The following CNTNAP2 variants were observed in gnomAD, a reference collection of about 807,000 sequenced individuals.
The protein encoded by CNTNAP2 is contactin-associated protein-like 2.
A neutral mutation model predicts 155.2 loss-of-function variants in CNTNAP2; 98 were observed. That is an observed-to-expected ratio of 0.63 (90% CI 0.54 to 0.75). The LOEUF is 0.75. Among genes scored for constraint, CNTNAP2 ranks in the 30% least tolerant of loss-of-function variants. The pLI is 0.00. For missense variants in CNTNAP2, 1,727 were observed against 1,688.1 expected (o/e 1.02, Z -0.40); for synonymous variants, 651 against 631.2 (o/e 1.03, Z -0.47).
chr7:146,402,672 A>G (rs1795730666), intron 1 of CNTNAP2, among the ~76,000 whole-genome samples: 1 of 151,448 alleles, frequency 6.6e-6, no homozygotes, highest in Non-Finnish European at 1.5e-5. Context: ...AGTTCCTTAG[A>G]TATAACTAGG....
intron 1 of CNTNAP2, among the ~76,000 whole-genome samples, chr7:146,227,163 C>T (rs1332160926): frequency 2.0e-5 from 3 of 152,062 alleles, no homozygotes; most frequent in South Asian, 2.1e-4. Flanking sequence ...TGGTGGCTCA[C>T]GCCTGTATTC....
chr7:146,979,081 C>T (rs892388968), intron 3 of CNTNAP2, among the ~76,000 whole-genome samples: 2 of 152,054 alleles, frequency 1.3e-5, no homozygotes, highest in African/African-American at 4.8e-5. Context: ...CAAAGTGAGT[C>T]CAAACACCTG....
At chr7:147,032,644 G>T (rs1238967906) in intron 3 of CNTNAP2, among the ~76,000 whole-genome samples, 1 of 149,646 alleles carries the variant, frequency 6.7e-6, no homozygotes, top group East Asian at 2.0e-4. Context: ...CTGGAAAGAA[G>T]GAAACAAGAA....
chr7:147,529,209 G>A (rs1799385949), intron 11 of CNTNAP2, among the ~76,000 whole-genome samples: 1 of 152,174 alleles, frequency 6.6e-6, no homozygotes, highest in African/African-American at 2.4e-5. Flanking sequence ...ATGGGTCTCA[G>A]TGAGAAAGTC....
intron 1 of CNTNAP2, among the ~76,000 whole-genome samples, chr7:146,386,050 C>T (rs1795455404): frequency 1.3e-5 from 2 of 152,174 alleles, no homozygotes; most frequent in Non-Finnish European, 2.9e-5. Context: ...CTGGCCTTAT[C>T]CCCAACAGGA....
At chr7:146,378,506 T>C (rs914017750) in intron 1 of CNTNAP2, among the ~76,000 whole-genome samples, 1 of 152,176 alleles carries the variant, frequency 6.6e-6, no homozygotes, top group African/African-American at 2.4e-5. Context: ...ATTATTCTTA[T>C]AAGAATCCTA....
intron 22 of CNTNAP2, among the ~76,000 whole-genome samples, chr7:148,405,603 ATTTTTTTTTTTTT>A (rs535094195): frequency 2.4e-4 from 9 of 36,794 alleles, no homozygotes; most frequent in Non-Finnish European, 3.1e-4. Flanking sequence ...TGCACAGCTA[ATTTTTTTTTTTTT>A]TTTTTTTTTT....
At chr7:148,203,814 C>G (rs1165488253) in intron 18 of CNTNAP2, among the ~76,000 whole-genome samples, 1 of 152,112 alleles carries the variant, frequency 6.6e-6, no homozygotes, top group East Asian at 1.9e-4. Flanking sequence ...AAGTGCAAAA[C>G]AAGCCAGAGG....
chr7:147,110,653 G>A (rs1271100343), intron 5 of CNTNAP2, among the ~76,000 whole-genome samples: 3 of 152,080 alleles, frequency 2.0e-5, no homozygotes, highest in Non-Finnish European at 2.9e-5. Flanking sequence ...GCATTAGTTT[G>A]CTGAGGACAA....
chr7:146,713,926 C>A (rs184906133), intron 1 of CNTNAP2, among the ~76,000 whole-genome samples: 42 of 152,110 alleles, frequency 2.8e-4, no homozygotes, highest in Non-Finnish European at 2.4e-4. Flanking sequence ...ATAAAATGAA[C>A]TAGCATATGT....
chr7:146,426,185 CAAAAAAAAAAAAA>C (rs57484419), intron 1 of CNTNAP2, among the ~76,000 whole-genome samples: 10 of 54,646 alleles, frequency 1.8e-4, no homozygotes, highest in Non-Finnish European at 1.3e-4. Context: ...GACTTCGCCT[CAAAAAAAAAAAAA>C]AAAAAAAAAA....
intron 15 of CNTNAP2, among the ~76,000 whole-genome samples, chr7:148,066,653 A>G (rs1379133959): frequency 6.6e-6 from 1 of 151,498 alleles, no homozygotes; most frequent in Non-Finnish European, 1.5e-5. Context: ...GCCCACCACC[A>G]CACCCAGCTA....
At chr7:146,559,206 T>TATAG (rs1344728619) in intron 1 of CNTNAP2, among the ~76,000 whole-genome samples, 1 of 152,074 alleles carries the variant, frequency 6.6e-6, no homozygotes, top group Non-Finnish European at 1.5e-5. Context: ...GATATGTATA[T>TATAG]ATACATACAC....
intron 1 of CNTNAP2, among the ~76,000 whole-genome samples, chr7:146,325,112 T>C (rs945728139): frequency 3.3e-5 from 5 of 151,960 alleles, no homozygotes; most frequent in African/African-American, 1.2e-4. Flanking sequence ...TTTTTTTTCT[T>C]TAGAGAGGAA....
intron 14 of CNTNAP2, among the ~76,000 whole-genome samples, chr7:147,963,159 G>T (rs6962266): frequency 2.6e-5 from 4 of 151,970 alleles, no homozygotes; most frequent in Non-Finnish European, 5.9e-5. Flanking sequence ...TAATTATAAA[G>T]AGTATTACAT....
chr7:147,731,247 G>A (rs369535685), intron 13 of CNTNAP2, among the ~76,000 whole-genome samples: 7 of 152,080 alleles, frequency 4.6e-5, no homozygotes, highest in African/African-American at 1.4e-4. Context: ...TGCCATCTAG[G>A]ACTTCTATAG....
intron 1 of CNTNAP2, among the ~76,000 whole-genome samples, chr7:146,731,950 A>T (rs557633216): frequency 1.3e-5 from 2 of 151,898 alleles, no homozygotes; most frequent in African/African-American, 4.8e-5. Context: ...TATATATATA[A>T]AAGCATCCAA....
intron 4 of CNTNAP2, among the ~76,000 whole-genome samples, chr7:147,090,204 G>T (rs142459101): frequency 1.0e-3 from 157 of 152,118 alleles, no homozygotes; most frequent in Non-Finnish European, 2.0e-3. Flanking sequence ...TTGCTAAGTG[G>T]GTGGATTAGA....
intron 6 of CNTNAP2, among the ~76,000 whole-genome samples, chr7:147,123,134 T>G (rs1158068344): frequency 6.6e-6 from 1 of 152,152 alleles, no homozygotes; most frequent in Non-Finnish European, 1.5e-5. Context: ...AAAAAAACTC[T>G]TAAAAGCAAA....
Sources: allele counts gnomAD v4.1 joint callset (sites outside exome capture counted in the v4.1 genomes callset), GRCh38; gene constraint gnomAD v4.1.1; transcripts MANE v1.5; gene names NCBI Gene and HGNC (gene_info 2026-07-23, HGNC 2026-07-21).